The following PCDHA11 variants were observed in gnomAD, a reference collection of about 807,000 sequenced individuals.
The protein encoded by PCDHA11 is protocadherin alpha-11.
In PCDHA11, 61 loss-of-function variants were observed where a neutral mutation model predicts 70.3. The ratio of observed to expected loss-of-function variants is 0.87; its 90% confidence interval spans 0.71 to 1.07. PCDHA11 has a LOEUF of 1.07. Among genes scored for constraint, PCDHA11 ranks in the 50% least tolerant of loss-of-function variants. The pLI is 0.00. For synonymous variants in PCDHA11, 633 were observed against 555.1 expected, an observed-to-expected ratio of 1.14 and a Z score of -1.97; for missense variants, 1,324 against 1,237.5, an observed-to-expected ratio of 1.07 and a Z score of -1.05.
intron 1 of PCDHA11, among the ~76,000 whole-genome samples, chr5:140,881,159 T>A (rs1375537883): frequency 6.6e-6 from 1 of 152,188 alleles, no homozygotes; most frequent in Non-Finnish European, 1.5e-5. Context: ...AAAAGTAAGA[T>A]CCTCTTCCTC....
At chr5:140,927,130 C>T (rs1554204065) in intron 1 of PCDHA11, 6 of 1,614,032 alleles carry the variant, frequency 3.7e-6, no homozygotes, top group African/African-American at 1.3e-5. Flanking sequence ...GGTCAGAGAG[C>T]CGGCGGACCG....
chr5:140,882,129 T>G lies in PCDHA11; in HGVS notation c.2391+10635T>G. 10 of 1,473,110 alleles carry G rather than the reference T, an allele frequency of 6.8e-6. No homozygotes were observed. The South Asian group carries it at 9.9e-5, about 15-fold the overall frequency. The allele number at this position is 1,473,110 out of a possible 1,614,324, so 91.3% of individuals were successfully genotyped here. On this transcript the variant is annotated intron_variant, in intron 1 of 3. Transcript: ENST00000398640. ...AAGAAAGCCGCCGTTTCTTTCTTCC[T>G]GCAGAAAATATAGCAGAAAGCGGAA...
chr5:141,000,417 ATATATTTTTTT>A (rs2097924314), intron 3 of PCDHA11, among the ~76,000 whole-genome samples: 12 of 77,748 alleles, frequency 1.5e-4, no homozygotes, highest in Non-Finnish European at 2.3e-4. Flanking sequence ...ATATATATAT[ATATATTTTTTT>A]TTTTTTTTTT....
chr5:140,923,245 G>T (rs1584300888), intron 1 of PCDHA11, among the ~76,000 whole-genome samples: 3 of 152,190 alleles, frequency 2.0e-5, no homozygotes, highest in East Asian at 1.9e-4. Context: ...TTTGAGACCA[G>T]CTGGGCAACA....
At chr5:140,908,041 G>T (rs2073758972) in intron 1 of PCDHA11, among the ~76,000 whole-genome samples, 1 of 152,112 alleles carries the variant, frequency 6.6e-6, no homozygotes, top group Non-Finnish European at 1.5e-5. Context: ...GTATATAATT[G>T]CACATCCGGC....
At chr5:140,974,083 T>C (rs1345131685) in intron 1 of PCDHA11, among the ~76,000 whole-genome samples, 1 of 152,236 alleles carries the variant, frequency 6.6e-6, no homozygotes, top group Non-Finnish European at 1.5e-5. Flanking sequence ...AACCATGACT[T>C]CAAAAATCAA....
At chr5:140,999,977 C>T (rs1554257051) in intron 3 of PCDHA11, among the ~76,000 whole-genome samples, 1 of 152,068 alleles carries the variant, frequency 6.6e-6, no homozygotes, top group Non-Finnish European at 1.5e-5. Flanking sequence ...GCAGCTCTAG[C>T]GGCCTCTGGG....
intron 1 of PCDHA11, among the ~76,000 whole-genome samples, chr5:140,973,960 T>C (rs2096609185): frequency 6.6e-6 from 1 of 152,248 alleles, no homozygotes; most frequent in African/African-American, 2.4e-5. Flanking sequence ...TTTACAGGTG[T>C]CTTTAAATGT....
At chr5:141,008,626 A>G (rs375674921) in intron 3 of PCDHA11, among the ~76,000 whole-genome samples, 1 of 152,222 alleles carries the variant, frequency 6.6e-6, no homozygotes. Context: ...TTTCTCAAGT[A>G]TAATTAACAA....
Position 140,869,706 on chromosome 5 carries a change from T to C in PCDHA11, c.603T>C (p.Asp201=), listed in dbSNP as rs1554163364. ...CACTTATTTTAAAGAAGTCTCTGGATAGAGAGAAAACTCCGGAACTTAATT... is the reference window on the plus strand; with the variant it reads ...CACTTATTTTAAAGAAGTCTCTGGACAGAGAGAAAACTCCGGAACTTAATT... ...RLSLILKKSL[D]REKTPELNLL... The change falls in exon 1 of 4, where the codon GAT becomes GAC. Residue 201 remains aspartate (D), a synonymous_variant. Coordinates refer to ENST00000398640, the MANE Select transcript of PCDHA11 (RefSeq NM_018902.5). The C allele has an allele frequency of 2.5e-6, 4 of 1,613,406 alleles. No homozygotes were observed. The highest frequency in any genetic ancestry group is 1.1e-5 in the South Asian group (1 of 91,084).
intron 1 of PCDHA11, among the ~76,000 whole-genome samples, chr5:140,947,608 A>G (rs1381677530): frequency 3.3e-5 from 5 of 151,684 alleles, no homozygotes; most frequent in Non-Finnish European, 7.4e-5. Flanking sequence ...AAGATTTGGT[A>G]TCTTAACAAT....
At chr5:140,898,306 G>A (rs192633483) in intron 1 of PCDHA11, among the ~76,000 whole-genome samples, 25 of 152,228 alleles carry the variant, frequency 1.6e-4, no homozygotes, top group Non-Finnish European at 3.1e-4. Flanking sequence ...TTTCTTCTAG[G>A]GTTTTTATGG....
At chr5:140,963,060 T>C (rs539314958) in intron 1 of PCDHA11, among the ~76,000 whole-genome samples, 11 of 152,154 alleles carry the variant, frequency 7.2e-5, no homozygotes, top group Non-Finnish European at 1.6e-4. Context: ...GGTTTCTACA[T>C]TGTGAAGGAG....
intron 1 of PCDHA11, among the ~76,000 whole-genome samples, chr5:140,872,369 G>A (rs192689204): frequency 1.3e-4 from 20 of 152,274 alleles, no homozygotes; most frequent in Admixed American, 1.2e-3. Context: ...GTTCAGGCCT[G>A]TAATCCCAGC....
chr5:140,883,421 G>A (rs1398671591), intron 1 of PCDHA11: 1 of 1,614,022 alleles, frequency 6.2e-7, no homozygotes, highest in Non-Finnish European at 8.5e-7. Flanking sequence ...AAATGGACAG[G>A]TCACCTGCAC....
At chr5:140,873,076 AT>A (rs2054077114) in intron 1 of PCDHA11, among the ~76,000 whole-genome samples, 1 of 152,056 alleles carries the variant, frequency 6.6e-6, no homozygotes, top group South Asian at 2.1e-4. Flanking sequence ...ATATCTAGCT[AT>A]TTCCCCCCCG....
intron 1 of PCDHA11, among the ~76,000 whole-genome samples, chr5:140,871,899 A>G (rs1160830243): frequency 2.6e-5 from 4 of 152,208 alleles, no homozygotes; most frequent in Admixed American, 2.0e-4. Context: ...CTTTTAGCAG[A>G]GTTTTGCCTT....
chr5:140,892,578 T>G (rs2063581965), intron 1 of PCDHA11, among the ~76,000 whole-genome samples: 1 of 152,178 alleles, frequency 6.6e-6, no homozygotes, highest in Non-Finnish European at 1.5e-5. Context: ...AAAGTATATC[T>G]CAGTATTCAT....
intron 1 of PCDHA11, among the ~76,000 whole-genome samples, chr5:140,947,190 C>T (rs1292127049): frequency 6.6e-6 from 1 of 151,120 alleles, no homozygotes; most frequent in Non-Finnish European, 1.5e-5. Flanking sequence ...TGGTATACTA[C>T]ACAGCCTTAA....
Sources: gnomAD v4.1 joint callset for allele counts (sites outside exome capture counted in the v4.1 genomes callset) on GRCh38, gnomAD v4.1.1 for gene constraint, MANE v1.5 for transcripts, NCBI Gene and HGNC (gene_info 2026-07-23, HGNC 2026-07-21) for gene names.